The following RABGAP1L variants were observed in gnomAD, a reference collection of about 807,000 sequenced individuals.
RABGAP1L encodes rab GTPase-activating protein 1-like.
RABGAP1L carries 63 observed loss-of-function variants against 137.7 expected under a neutral mutation model. That is an observed-to-expected ratio of 0.46 (90% CI 0.37 to 0.56). The LOEUF (loss-of-function observed/expected upper bound fraction) is 0.56. Among genes scored for constraint, RABGAP1L ranks in the 20% least tolerant of loss-of-function variants. RABGAP1L has a pLI of 0.00. For synonymous variants in RABGAP1L, 431 were observed against 433.7 expected (o/e 0.99, Z 0.08); for missense variants, 1,095 against 1,244.0 (o/e 0.88, Z 1.80).
intron 13 of RABGAP1L, among the ~76,000 whole-genome samples, chr1:174,470,791 A>G (rs1344756386): frequency 6.6e-6 from 1 of 152,152 alleles, no homozygotes; most frequent in Non-Finnish European, 1.5e-5. Flanking sequence ...AATCAAAATA[A>G]AAACTAAAAT....
chr1:174,935,253 T>C (rs1386317078), intron 19 of RABGAP1L: 1 of 152,246 alleles, frequency 6.6e-6, no homozygotes, highest in East Asian at 1.9e-4. Context: ...AGGAGACTTT[T>C]ATTGTCTTAC....
chr1:174,736,477 G>A (rs1322313392), intron 17 of RABGAP1L, among the ~76,000 whole-genome samples: 1 of 152,222 alleles, frequency 6.6e-6, no homozygotes, highest in African/African-American at 2.4e-5. Flanking sequence ...AATGCCTGTG[G>A]CTTTTCCAGG....
At chr1:174,638,950 T>C (rs1454685276) in intron 14 of RABGAP1L, among the ~76,000 whole-genome samples, 1 of 140,476 alleles carries the variant, frequency 7.1e-6, no homozygotes, top group Non-Finnish European at 1.5e-5. Context: ...GACGAGTTAG[T>C]GGGTGCAGCG....
intron 13 of RABGAP1L, among the ~76,000 whole-genome samples, chr1:174,611,698 T>G (rs1671269567): frequency 6.6e-6 from 1 of 151,820 alleles, no homozygotes; most frequent in South Asian, 2.1e-4. Flanking sequence ...GCATGGAATG[T>G]TCTTCCATTT....
chr1:174,634,734 G>T (rs1432214279), intron 13 of RABGAP1L, among the ~76,000 whole-genome samples: 2 of 140,894 alleles, frequency 1.4e-5, no homozygotes, highest in Admixed American at 6.9e-5. Context: ...TCCTTTGTAG[G>T]GACATGGATG....
intron 11 of RABGAP1L, among the ~76,000 whole-genome samples, chr1:174,362,502 G>A (rs1684235932): frequency 6.6e-6 from 1 of 152,002 alleles, no homozygotes; most frequent in South Asian, 2.1e-4. Context: ...ATCTCATTGT[G>A]GTTTTGATTT....
intron 18 of RABGAP1L, among the ~76,000 whole-genome samples, chr1:174,796,929 C>T (rs934305826): frequency 6.6e-6 from 1 of 151,840 alleles, no homozygotes; most frequent in African/African-American, 2.4e-5. Flanking sequence ...ATGGCTTGAA[C>T]CTGGGAGGCG....
chr1:174,524,412 A>T (rs1487496237), intron 13 of RABGAP1L, among the ~76,000 whole-genome samples: 3 of 152,056 alleles, frequency 2.0e-5, no homozygotes, highest in African/African-American at 7.2e-5. Flanking sequence ...AGTGATGTTG[A>T]ACATTTTTTT....
chr1:174,497,518 C>T (rs1660854462), intron 13 of RABGAP1L, among the ~76,000 whole-genome samples: 1 of 152,184 alleles, frequency 6.6e-6, no homozygotes, highest in Non-Finnish European at 1.5e-5. Flanking sequence ...TTCCCATGTT[C>T]CTTCTCCCCC....
At chr1:174,161,385 G>C (rs999874067) in intron 1 of RABGAP1L, among the ~76,000 whole-genome samples, 4 of 152,122 alleles carry the variant, frequency 2.6e-5, no homozygotes, top group Non-Finnish European at 5.9e-5. Context: ...TGGGACTACA[G>C]GCATGCGCCG....
intron 14 of RABGAP1L, among the ~76,000 whole-genome samples, chr1:174,678,518 AC>A (rs1273909039): frequency 6.6e-6 from 1 of 152,168 alleles, no homozygotes; most frequent in Non-Finnish European, 1.5e-5. Flanking sequence ...AAGGATAATA[AC>A]TCTTGACCCA....
intron 19 of RABGAP1L, among the ~76,000 whole-genome samples, chr1:174,934,141 T>C (rs1664323529): frequency 6.6e-6 from 1 of 152,080 alleles, no homozygotes; most frequent in African/African-American, 2.4e-5. Context: ...CAGGCTGGAG[T>C]ACAATGGCAC....
At chr1:174,670,957 G>A (rs1677133224) in intron 14 of RABGAP1L, among the ~76,000 whole-genome samples, 1 of 152,030 alleles carries the variant, frequency 6.6e-6, no homozygotes, top group African/African-American at 2.4e-5. Context: ...AGTGTTTTGA[G>A]GAGCCTCCAA....
At chr1:174,748,245 C>G (rs1398295270) in intron 17 of RABGAP1L, among the ~76,000 whole-genome samples, 2 of 152,000 alleles carry the variant, frequency 1.3e-5, no homozygotes, top group Non-Finnish European at 2.9e-5. Context: ...GTAAATTGGT[C>G]TAGTTGGGTC....
intron 13 of RABGAP1L, among the ~76,000 whole-genome samples, chr1:174,420,081 G>A (rs1651075650): frequency 6.6e-6 from 1 of 151,828 alleles, no homozygotes; most frequent in Non-Finnish European, 1.5e-5. Flanking sequence ...TCCTTCTCTC[G>A]GGTTATATAC....
chr1:174,876,833 C>T (rs1653189317), intron 19 of RABGAP1L, among the ~76,000 whole-genome samples: 1 of 151,904 alleles, frequency 6.6e-6, no homozygotes, highest in African/African-American at 2.4e-5. Flanking sequence ...ATCGCTGTCC[C>T]TGTTTCATTT....
chr1:174,528,057 C>G (rs1169665305), intron 13 of RABGAP1L, among the ~76,000 whole-genome samples: 1 of 151,726 alleles, frequency 6.6e-6, no homozygotes. Flanking sequence ...AAGTACATTT[C>G]TTGTAGACAG....
At chr1:174,261,792 G>C (rs1673597552) in intron 7 of RABGAP1L, among the ~76,000 whole-genome samples, 1 of 152,164 alleles carries the variant, frequency 6.6e-6, no homozygotes, top group Non-Finnish European at 1.5e-5. Flanking sequence ...TTACTATCTT[G>C]AAGTTGCCTA....
At chr1:174,825,044 T>C (rs888227732) in intron 19 of RABGAP1L, among the ~76,000 whole-genome samples, 3 of 152,218 alleles carry the variant, frequency 2.0e-5, no homozygotes, top group African/African-American at 7.2e-5. Context: ...GACTTGGGGA[T>C]TTTGTTACTT....
Sources: allele counts gnomAD v4.1 joint callset (sites outside exome capture counted in the v4.1 genomes callset), GRCh38; gene constraint gnomAD v4.1.1; transcripts MANE v1.5; gene names NCBI Gene and HGNC (gene_info 2026-07-23, HGNC 2026-07-21).